Variants in ABI2 observed in about 807,000 individuals in gnomAD.
ABI2 encodes the protein abelson interactor 2.
A neutral mutation model predicts 59.2 loss-of-function variants in ABI2; 25 were observed. That is an observed-to-expected ratio of 0.42 (90% CI 0.31 to 0.59). The LOEUF (loss-of-function observed/expected upper bound fraction) is 0.59, where lower values mean the gene tolerates loss of function less well. Among genes scored for constraint, ABI2 ranks in the 20% least tolerant of loss-of-function variants. The pLI is 0.14. For synonymous variants in ABI2, 213 were observed against 235.5 expected (o/e 0.90, Z 0.87); for missense variants, 545 against 681.8 (o/e 0.80, Z 2.23).
At chr2:203,356,828 A>G (rs2092189387) in intron 1 of ABI2, among the ~76,000 whole-genome samples, 3 of 135,942 alleles carry the variant, frequency 2.2e-5, no homozygotes, top group Admixed American at 8.3e-5. Context: ...GTTATTTCTG[A>G]AAGTTTTTGG....
At chr2:203,384,145 C>G (rs779071860) in intron 4 of ABI2, among the ~76,000 whole-genome samples, 1 of 152,128 alleles carries the variant, frequency 6.6e-6, no homozygotes, top group Non-Finnish European at 1.5e-5. Context: ...TTTAAAAACA[C>G]TATGGTAATA....
chr2:203,378,238 A>G lies in ABI2; in HGVS notation c.286-1970A>G, dbSNP rs561782570. Among the ~76,000 whole-genome samples the G allele has an allele frequency of 7.9e-5, 12 of 151,572 alleles. No homozygotes were observed. In the South Asian group the frequency reaches 2.5e-3, roughly 32 times the overall value. ...CGCCATTCTCCTGCCTCAGCCCCCC[A>G]AGTAGCTGGGACTACAGGCACCCGC... On this transcript the variant is annotated intron_variant, in intron 2 of 11. Transcript: ENST00000261018.
intron 1 of ABI2, among the ~76,000 whole-genome samples, chr2:203,356,628 C>T (rs1418638793): frequency 3.3e-5 from 5 of 152,074 alleles, no homozygotes; most frequent in Admixed American, 6.6e-5. Context: ...CCTTGGCCTC[C>T]GAAAGTGCTA....
intron 2 of ABI2, among the ~76,000 whole-genome samples, chr2:203,368,569 A>T (rs1317654904): frequency 6.6e-6 from 1 of 152,158 alleles, no homozygotes; most frequent in East Asian, 1.9e-4. Flanking sequence ...GTATTTTTGA[A>T]AATTTGTCAG....
chr2:203,329,808 C>G (rs74778108), intron 1 of ABI2, among the ~76,000 whole-genome samples: 3,393 of 151,932 alleles, frequency 0.022, 96 homozygotes, highest in East Asian at 0.091. Context: ...GCGATCTCGG[C>G]TCACTGAAAC....
At chr2:203,378,845 A>C (rs1044453867) in intron 2 of ABI2, among the ~76,000 whole-genome samples, 1 of 152,302 alleles carries the variant, frequency 6.6e-6, no homozygotes, top group East Asian at 1.9e-4. Context: ...ACTGCGACAC[A>C]CAGGAAAAAA....
At chr2:203,336,708 C>T (rs528596493) in intron 1 of ABI2, among the ~76,000 whole-genome samples, 2 of 152,190 alleles carry the variant, frequency 1.3e-5, no homozygotes, top group Non-Finnish European at 2.9e-5. Context: ...GTATCTTTTA[C>T]TACTATTCCT....
chr2:203,402,699 A>G lies in ABI2; in HGVS notation c.1157A>G (p.Gln386Arg), dbSNP rs1406644989. The change falls in exon 9 of 12, where the codon CAG becomes CGG. Residue 386 changes from glutamine (Q) to arginine (R), a missense_variant. By Grantham distance (43) the Gln-to-Arg change is conservative. Transcript: ENST00000261018. The stretch of plus-strand genomic sequence containing the variant: ...ACTTCACAAACAAGCCTTCAGAATC[A>G]GATGAATGGAGGACCTTTTTATAGC... Reference protein sequence around the residue: ...SITSQTSLQNQMNGGPFYSQN... With the variant: ...SITSQTSLQNRMNGGPFYSQN... The G allele has an allele frequency of 6.2e-7, 1 of 1,604,196 alleles. No individual in the cohort carries two copies. Among genetic ancestry groups the G allele is most frequent in the Admixed American group, 1.7e-5 (1 of 57,690 alleles).
At chr2:203,402,495 T>C in intron 8 of ABI2, 81 bp from the exon 9 acceptor site, 4 of 1,067,434 alleles carry the variant, frequency 3.7e-6, no homozygotes, top group Non-Finnish European at 5.0e-6. Flanking sequence ...ATTCTTAAGA[T>C]TTAGGCATTG....
chr2:203,341,146 T>G (rs972759444), intron 1 of ABI2, among the ~76,000 whole-genome samples: 2 of 152,228 alleles, frequency 1.3e-5, no homozygotes, highest in African/African-American at 4.8e-5. Context: ...TGTAAAATTA[T>G]AACATACTCC....
chr2:203,378,265 A>G (rs1339197610), intron 2 of ABI2, among the ~76,000 whole-genome samples: 1 of 152,022 alleles, frequency 6.6e-6, no homozygotes, highest in African/African-American at 2.4e-5. Context: ...GGCACCCGCC[A>G]CCATGCCCGG....
chr2:203,394,723 T>A lies in ABI2; in HGVS notation c.602T>A (p.Leu201Gln). ...TLGRHSPYRT[L>Q]EPVRPPVVPN... ...AGGCGGCACTCCCCCTATCGCACAC[T>A]GGAGCCAGTGCGTCCTCCAGTGGTA... Residue 201 changes from leucine to glutamine, a missense_variant, in exon 6 of 12, where the codon CTG (leucine) becomes CAG (glutamine). Leu to Gln is a moderately radical substitution (Grantham distance 113). Transcript: ENST00000261018. 6.2e-7 allele frequency: 1 copy of A among 1,614,126 alleles called. No homozygotes were observed. The highest frequency in any genetic ancestry group is 1.1e-5 in the South Asian group (1 of 91,076).
intron 1 of ABI2, among the ~76,000 whole-genome samples, chr2:203,350,654 C>T (rs977338170): frequency 2.7e-5 from 4 of 150,758 alleles, no homozygotes; most frequent in Non-Finnish European, 5.9e-5. Flanking sequence ...ATTCTCCTGT[C>T]TCAGCCTCCC....
At chr2:203,391,759 TGCA>T (rs1188606239) in intron 5 of ABI2, among the ~76,000 whole-genome samples, 1 of 147,418 alleles carries the variant, frequency 6.8e-6, no homozygotes, top group Non-Finnish European at 1.5e-5. Flanking sequence ...AGGTTGAGGC[TGCA>T]GTGAGCCGTG....
rs940049007 is a variant in ABI2 at position 203,427,876 on chromosome 2, T to A, written c.*524T>A. On this transcript the variant is annotated 3_prime_UTR_variant, in exon 12 of 12. Coordinates refer to ENST00000261018, the MANE Select transcript of ABI2 (RefSeq NM_001375670.1). ...CATTTTTACAATTATTTCAGATGGCTTTTTTCCTCTGTGACACTGTAAATT... is the reference window on the plus strand; with the variant it reads ...CATTTTTACAATTATTTCAGATGGCATTTTTCCTCTGTGACACTGTAAATT... 1 of 152,692 alleles carries A rather than the reference T, an allele frequency of 6.5e-6. No individual in the cohort carries two copies. The highest frequency in any genetic ancestry group is 1.9e-4 in the East Asian group (1 of 5,202). The allele number at this position is 152,692 out of a possible 1,614,324, so 9.5% of individuals were successfully genotyped here.
chr2:203,369,807 G>A (rs868120001), intron 2 of ABI2, among the ~76,000 whole-genome samples: 6 of 152,128 alleles, frequency 3.9e-5, no homozygotes, highest in African/African-American at 1.4e-4. Flanking sequence ...TTATTATGTT[G>A]GATAAAGGAT....
chr2:203,376,298 A>G lies in ABI2; in HGVS notation c.286-3910A>G, dbSNP rs140298539. Reference sequence around the variant, plus strand: ...CCTGGATGCTTTTCTATATTCTGCAATCCTCAAGACAGCAGCCTTCACCCC... The same window carrying G: ...CCTGGATGCTTTTCTATATTCTGCAGTCCTCAAGACAGCAGCCTTCACCCC... On this transcript the variant is annotated intron_variant, in intron 2 of 11. Coordinates refer to ENST00000261018, the MANE Select transcript of ABI2 (RefSeq NM_001375670.1). 6.7e-4 allele frequency among the ~76,000 whole-genome samples: 102 copies of G among 152,300 alleles called. 1 individual carries two copies. The highest frequency in any genetic ancestry group is 3.4e-3 in the Middle Eastern group (1 of 294).
chr2:203,419,975 C>T (rs1281209343), intron 11 of ABI2, among the ~76,000 whole-genome samples: 6 of 152,064 alleles, frequency 3.9e-5, no homozygotes, highest in Non-Finnish European at 7.4e-5. Flanking sequence ...GCAACAAGAG[C>T]GAAACTCCAT....
At chr2:203,356,160 G>A (rs760923574) in intron 1 of ABI2, among the ~76,000 whole-genome samples, 12 of 151,878 alleles carry the variant, frequency 7.9e-5, no homozygotes, top group East Asian at 1.9e-4. Flanking sequence ...TGCAGTTAGT[G>A]GAGACATACT....
Sources: allele counts gnomAD v4.1 joint callset (sites outside exome capture counted in the v4.1 genomes callset), GRCh38; gene constraint gnomAD v4.1.1; transcripts MANE v1.5; gene names NCBI Gene and HGNC (gene_info 2026-07-23, HGNC 2026-07-21).